Variants in LAMA3 observed in about 807,000 individuals in gnomAD.
LAMA3 encodes laminin subunit alpha 3, also known as laminin subunit alpha-3.
Under a neutral mutation model 402.0 loss-of-function variants are expected in LAMA3, and 281 were observed. The observed-to-expected ratio is 0.70, with a 90% CI of 0.63 to 0.77. The LOEUF (loss-of-function observed/expected upper bound fraction) is 0.77. Ranked by LOEUF, LAMA3 falls within the 30% of genes least tolerant of loss-of-function variation. LAMA3 has a pLI of 0.00. For missense variants in LAMA3, 3,840 were observed against 4,215.5 expected, an observed-to-expected ratio of 0.91 and a Z score of 2.47; for synonymous variants, 1,431 against 1,558.4, an observed-to-expected ratio of 0.92 and a Z score of 1.93.
chr18:23,762,575 C>T lies in LAMA3; in HGVS notation c.1064-830C>T, dbSNP rs180810171. ...CTGCACTCCAGCCTGGGTGACAGAG[C>T]GAGACTGTCACCAAAAAAAAAAAAA... On this transcript the variant is annotated intron_variant, in intron 7 of 74. Transcript: ENST00000313654. Among the ~76,000 whole-genome samples, 460 of 149,772 alleles carry T rather than the reference C, an allele frequency of 3.1e-3. 1 individual carries two copies. The highest frequency in any genetic ancestry group is 5.0e-3 in the Non-Finnish European group (340 of 67,492).
At chr18:23,715,817 A>G (rs1199861275) in intron 2 of LAMA3, among the ~76,000 whole-genome samples, 2 of 152,222 alleles carry the variant, frequency 1.3e-5, no homozygotes, top group Admixed American at 6.5e-5. Flanking sequence ...CATATAAAAA[A>G]TACTACTTGA....
At chr18:23,782,534 T>C (rs1449598028) in intron 11 of LAMA3, among the ~76,000 whole-genome samples, 1 of 151,998 alleles carries the variant, frequency 6.6e-6, no homozygotes, top group Non-Finnish European at 1.5e-5. Flanking sequence ...GCCTGGGCGA[T>C]AGAATGAAAC....
chr18:23,844,104 G>A (rs1459207791), intron 29 of LAMA3, among the ~76,000 whole-genome samples: 1 of 152,200 alleles, frequency 6.6e-6, no homozygotes, highest in East Asian at 1.9e-4. Flanking sequence ...TGCATCCCTT[G>A]TGCCTGGAAT....
At chr18:23,744,831 C>CAAA (rs755527455) in intron 2 of LAMA3, among the ~76,000 whole-genome samples, 655 of 31,058 alleles carry the variant, frequency 0.021, 68 homozygotes, top group African/African-American at 0.059. Context: ...GACTCTGTCT[C>CAAA]AAAAAAAAAA....
intron 12 of LAMA3, among the ~76,000 whole-genome samples, chr18:23,788,677 A>G (rs770531930): frequency 5.3e-5 from 8 of 151,992 alleles, no homozygotes; most frequent in Non-Finnish European, 7.4e-5. Flanking sequence ...AGAATAAAAT[A>G]TAGGCATAAA....
At chr18:23,745,602 T>A (rs1480369945) in intron 2 of LAMA3, among the ~76,000 whole-genome samples, 1 of 152,186 alleles carries the variant, frequency 6.6e-6, no homozygotes, top group Non-Finnish European at 1.5e-5. Context: ...TTTTTATACC[T>A]GCAAGGTGTG....
At chr18:23,877,111 G>A (rs2064747736) in intron 39 of LAMA3, among the ~76,000 whole-genome samples, 3 of 152,254 alleles carry the variant, frequency 2.0e-5, no homozygotes, top group South Asian at 4.2e-4. Flanking sequence ...AAGACAGAGC[G>A]GGGCTTGGAG....
intron 38 of LAMA3, among the ~76,000 whole-genome samples, chr18:23,872,158 C>T (rs2064543651): frequency 6.6e-6 from 1 of 152,030 alleles, no homozygotes; most frequent in South Asian, 2.1e-4. Flanking sequence ...TATTTGAGCC[C>T]CTGCTTTCCC....
At chr18:23,697,072 G>A (rs534471816) in intron 1 of LAMA3, among the ~76,000 whole-genome samples, 22 of 152,350 alleles carry the variant, frequency 1.4e-4, no homozygotes, top group African/African-American at 4.6e-4. Context: ...ATGTTTGTAA[G>A]CAGCGGTTCT....
In LAMA3 at chr18:23,776,250, C is replaced by T. The variant is rs1598768675; in HGVS notation, c.1405+327C>T. On this transcript the variant is annotated intron_variant, in intron 10 of 74. Transcript: ENST00000313654. ...AATGTAGGAGAAATATCATGGGCTTCCAGATATTTATCTGCATGCATATAG... is the reference window on the plus strand; with the variant it reads ...AATGTAGGAGAAATATCATGGGCTTTCAGATATTTATCTGCATGCATATAG... 4.6e-5 allele frequency among the ~76,000 whole-genome samples: 7 copies of T among 152,190 alleles called. No homozygotes were observed. In the Middle Eastern group the frequency reaches 0.024, roughly 518 times the overall value.
chr18:23,826,803 A>T lies in LAMA3; in HGVS notation c.2669+4A>T. On this transcript the variant is annotated splice_donor_region_variant and intron_variant, in intron 22 of 74. Transcript: ENST00000313654. ...ACGCAGGACCTCCCCAAGAAAAGTCAGTGTGGGGCAGAAGGTGCAGCCGCA... is the reference window on the plus strand; with the variant it reads ...ACGCAGGACCTCCCCAAGAAAAGTCTGTGTGGGGCAGAAGGTGCAGCCGCA... 1 of 1,546,430 alleles carries T rather than the reference A, an allele frequency of 6.5e-7. No individual in the cohort carries two copies. Among genetic ancestry groups the T allele is most frequent in the East Asian group, 2.4e-5 (1 of 41,870 alleles).
chr18:23,882,082 A>G (rs1237332920), intron 40 of LAMA3, 37 bp downstream of exon 40: 3 of 1,454,674 alleles, frequency 2.1e-6, no homozygotes, highest in Non-Finnish European at 2.9e-6. Flanking sequence ...CAGGGACCCA[A>G]AGTCGTTTGG....
At chr18:23,901,350 C>CT in intron 48 of LAMA3, 27 bp downstream of exon 48, 15 of 1,582,332 alleles carry the variant, frequency 9.5e-6, no homozygotes, top group Non-Finnish European at 1.3e-5. Context: ...AAGTTGCACA[C>CT]TTTCGTTAAT....
intron 2 of LAMA3, among the ~76,000 whole-genome samples, chr18:23,729,345 T>C (rs2061353258): frequency 6.6e-6 from 1 of 152,346 alleles, no homozygotes; most frequent in Admixed American, 6.5e-5. Context: ...ATGTCTGCCC[T>C]ATTCTCATAT....
chr18:23,895,148 T>G, intron 44 of LAMA3, 90 bp downstream of exon 44: 1 of 1,432,418 alleles, frequency 7.0e-7, no homozygotes, highest in Non-Finnish European at 9.5e-7. Flanking sequence ...GGTTGACTCC[T>G]GGAAAGGCTC....
chr18:23,812,049 A>AT (rs894720836), intron 13 of LAMA3, among the ~76,000 whole-genome samples: 2 of 151,594 alleles, frequency 1.3e-5, no homozygotes, highest in Admixed American at 6.6e-5. Flanking sequence ...AATTTTTTGT[A>AT]TTTTTAGTAG....
At chr18:23,826,089 C>T (rs930988948) in intron 21 of LAMA3, among the ~76,000 whole-genome samples, 5 of 152,312 alleles carry the variant, frequency 3.3e-5, no homozygotes, top group Admixed American at 2.0e-4. Flanking sequence ...GCTGTCAGGA[C>T]GGCTAGGGGC....
At chr18:23,831,950 A>T (rs953631576) in intron 23 of LAMA3, among the ~76,000 whole-genome samples, 2 of 152,210 alleles carry the variant, frequency 1.3e-5, no homozygotes, top group Non-Finnish European at 2.9e-5. Flanking sequence ...AAAGATAAAT[A>T]ACACACATAA....
intron 55 of LAMA3, among the ~76,000 whole-genome samples, chr18:23,910,399 C>T (rs146270348): frequency 0.011 from 1,645 of 152,222 alleles, 15 homozygotes; most frequent in South Asian, 0.066. Context: ...TAGTAGGTAC[C>T]GTGTTAGTGG....
Sources: gnomAD v4.1 joint callset for allele counts (sites outside exome capture counted in the v4.1 genomes callset) on GRCh38, gnomAD v4.1.1 for gene constraint, MANE v1.5 for transcripts, NCBI Gene and HGNC (gene_info 2026-07-23, HGNC 2026-07-21) for gene names.